The following TIAM2 variants were observed in gnomAD, a reference collection of about 807,000 sequenced individuals.
The protein encoded by TIAM2 is rho guanine nucleotide exchange factor TIAM2.
In TIAM2, 80 loss-of-function variants were observed where a neutral mutation model predicts 152.9. The observed-to-expected ratio is 0.52, with a 90% CI of 0.44 to 0.63. The LOEUF (loss-of-function observed/expected upper bound fraction) is 0.63, where lower values mean the gene tolerates loss of function less well. Among genes scored for constraint, TIAM2 ranks in the 30% least tolerant of loss-of-function variants. TIAM2 has a pLI of 0.00. For missense variants in TIAM2, 1,965 were observed against 2,120.1 expected, an observed-to-expected ratio of 0.93 and a Z score of 1.44; for synonymous variants, 804 against 838.0, an observed-to-expected ratio of 0.96 and a Z score of 0.70.
At chr6:155,119,103 C>T (rs1009446350) in intron 2 of TIAM2, among the ~76,000 whole-genome samples, 2 of 151,508 alleles carry the variant, frequency 1.3e-5, no homozygotes, top group Non-Finnish European at 2.9e-5. Flanking sequence ...GGCGCGATCT[C>T]GGCTCACTAC....
rs1554249752 is a variant in TIAM2 at position 155,257,273 on chromosome 6, G to GTTAT, written c.*155_*158dup. On this transcript the variant is annotated 3_prime_UTR_variant, in exon 27 of 27. Coordinates refer to ENST00000682666, the MANE Select transcript of TIAM2 (RefSeq NM_012454.4). Reference sequence around the variant, plus strand: ...CCACAAAATGGTTGTAAAGATTTAAGTTATTTTAATTTATTGTGGATCAGA... The same window carrying GTTAT: ...CCACAAAATGGTTGTAAAGATTTAAGTTATTTATTTTAATTTATTGTGGATCAGA... 5.7e-6 allele frequency: 5 copies of GTTAT among 879,334 alleles called. No homozygotes were observed. The highest frequency in any genetic ancestry group is 3.0e-5 in the Admixed American group (1 of 33,324). 54.5% of individuals were successfully genotyped at this position (879,334 alleles called of 1,614,324 possible).
chr6:155,124,561 C>T (rs565906289), intron 2 of TIAM2, among the ~76,000 whole-genome samples: 59 of 151,204 alleles, frequency 3.9e-4, no homozygotes, highest in Non-Finnish European at 6.8e-4. Flanking sequence ...AACTCCCGAC[C>T]TCAGGTGATC....
At chr6:155,185,429 T>C (rs968468588) in intron 14 of TIAM2, among the ~76,000 whole-genome samples, 2 of 151,854 alleles carry the variant, frequency 1.3e-5, no homozygotes, top group Non-Finnish European at 2.9e-5. Flanking sequence ...GCCCGGCTGT[T>C]TTTCTTTTCT....
chr6:155,137,971 G>A (rs951816124), intron 5 of TIAM2, among the ~76,000 whole-genome samples: 75 of 152,214 alleles, frequency 4.9e-4, no homozygotes, highest in African/African-American at 1.8e-3. Context: ...TGAGTAGCTG[G>A]AATTATGGGC....
At position 155,076,027 on chromosome 6, in the gene TIAM2, A is replaced by G. The variant is rs567023002; in HGVS notation, c.-208-14262A>G. 1.5e-3 allele frequency among the ~76,000 whole-genome samples: 227 copies of G among 152,346 alleles called. 1 individual carries two copies. Among genetic ancestry groups the G allele is most frequent in the African/African-American group, 5.1e-3 (214 of 41,584 alleles). On this transcript the variant is annotated intron_variant, in intron 1 of 26. Transcript: ENST00000682666. ...CCAACAACAGACAGGGCAGGTTTTC[A>G]GTCTCCACCTGCAATGCTGTGTTTT...
intron 1 of TIAM2, among the ~76,000 whole-genome samples, chr6:155,074,854 A>AG (rs1491130767): frequency 4.1e-5 from 4 of 98,002 alleles, no homozygotes; most frequent in African/African-American, 2.4e-4. Flanking sequence ...ACTCTGTCTC[A>AG]AAAAAAAAAA....
In TIAM2 at chr6:155,029,162, ATATACACTATATGTACTATGTGT is replaced by A. The variant is rs1386801411; in HGVS notation, c.-209+33675_-209+33697del. Among the ~76,000 whole-genome samples the A allele has an allele frequency of 4.4e-5, 5 of 113,992 alleles. No individual in the cohort carries two copies. The East Asian group carries it at 1.4e-3, about 32-fold the overall frequency. The allele number at this position is 113,992 out of a possible 152,430, so 74.8% of individuals were successfully genotyped here. On this transcript the variant is annotated intron_variant, in intron 1 of 26. Coordinates refer to ENST00000682666, the MANE Select transcript of TIAM2 (RefSeq NM_012454.4). The stretch of plus-strand genomic sequence containing the variant: ...ATATACACTATATGTACTATGTGTT[ATATACACTATATGTACTATGTGT>A]TATATACACTGTATGTACTATGTGT...
chr6:155,028,079 CTG>C (rs1235267457), intron 1 of TIAM2, among the ~76,000 whole-genome samples: 335 of 110,782 alleles, frequency 3.0e-3, no homozygotes, highest in African/African-American at 9.1e-3. Flanking sequence ...AATATATGTA[CTG>C]TGTTACATAT....
At chr6:155,220,671 G>GA (rs1277458939) in intron 15 of TIAM2, among the ~76,000 whole-genome samples, 1 of 152,016 alleles carries the variant, frequency 6.6e-6, no homozygotes, top group South Asian at 2.1e-4. Flanking sequence ...AGAGTTTAAT[G>GA]AAAAAATAGG....
At chr6:155,064,354 C>A (rs1334791454) in intron 1 of TIAM2, among the ~76,000 whole-genome samples, 1 of 152,222 alleles carries the variant, frequency 6.6e-6, no homozygotes, top group African/African-American at 2.4e-5. Context: ...TGAAAAATGA[C>A]ATCACTCAAA....
Position 155,240,675 on chromosome 6 carries a change from A to G in TIAM2, c.3314A>G (p.Gln1105Arg), listed in dbSNP as rs1343134677. 1.9e-6 allele frequency: 3 copies of G among 1,613,566 alleles called. No individual in the cohort carries two copies. Among genetic ancestry groups the G allele is most frequent in the Admixed American group, 1.7e-5 (1 of 60,030 alleles). Residue 1105 changes from glutamine to arginine, a missense_variant, in exon 16 of 27, where the codon CAG becomes CGG. By Grantham distance (43) the Gln-to-Arg change is conservative (BLOSUM62 1). This residue lies in a region of TIAM2 where 935 missense variants were observed against 980.0 expected (regional missense o/e 0.95). Coordinates refer to ENST00000682666, the MANE Select transcript of TIAM2 (RefSeq NM_012454.4). Reference sequence around the variant, plus strand: ...GCAGACCGCCTCCGCAAAGTCATCCAGGAGCTTGTGGACACAGAGAAGTCC... The same window carrying G: ...GCAGACCGCCTCCGCAAAGTCATCCGGGAGCTTGTGGACACAGAGAAGTCC... ...SDADRLRKVI[Q>R]ELVDTEKSYV...
chr6:155,213,830 C>T lies in TIAM2; in HGVS notation c.3168+2523C>T, dbSNP rs1474586062. On this transcript the variant is annotated intron_variant, in intron 15 of 26. Coordinates refer to ENST00000682666, the MANE Select transcript of TIAM2 (RefSeq NM_012454.4). This position sits in a 1 kb window ranked among gnomAD's most constrained non-coding sequence, Gnocchi z 4.2. Reference sequence around the variant, plus strand: ...GCTGGCATGTCAGCGCTGCCCTGAACGTGTCCACACATGGCTGGGTTGCAG... The same window carrying T: ...GCTGGCATGTCAGCGCTGCCCTGAATGTGTCCACACATGGCTGGGTTGCAG... Among the ~76,000 whole-genome samples the T allele has an allele frequency of 1.3e-5, 2 of 152,234 alleles. No individual in the cohort carries two copies. Among genetic ancestry groups the T allele is most frequent in the Non-Finnish European group, 2.9e-5 (2 of 68,036 alleles).
At chr6:155,021,186 A>C (rs377188758) in intron 1 of TIAM2, among the ~76,000 whole-genome samples, 3 of 152,188 alleles carry the variant, frequency 2.0e-5, no homozygotes, top group Non-Finnish European at 4.4e-5. Context: ...GTAGCTATGA[A>C]CATGGCTGTA....
At chr6:155,055,941 G>A (rs900628782) in intron 1 of TIAM2, among the ~76,000 whole-genome samples, 5 of 146,952 alleles carry the variant, frequency 3.4e-5, no homozygotes, top group African/African-American at 1.4e-4. Context: ...CAGCCTGGGT[G>A]ACAGAAAGAG....
chr6:155,195,364 C>T (rs1562349863), intron 14 of TIAM2, among the ~76,000 whole-genome samples: 1 of 152,178 alleles, frequency 6.6e-6, no homozygotes, highest in African/African-American at 2.4e-5. Flanking sequence ...AGGTACCCAT[C>T]GCCTGTGAAG....
At chr6:155,053,435 G>A (rs77570494) in intron 1 of TIAM2, among the ~76,000 whole-genome samples, 17 of 149,456 alleles carry the variant, frequency 1.1e-4, no homozygotes, top group Admixed American at 2.0e-4. Flanking sequence ...GATTATAGGC[G>A]TGAGCCACCG....
At chr6:155,083,066 G>A (rs1376865594) in intron 1 of TIAM2, among the ~76,000 whole-genome samples, 1 of 152,094 alleles carries the variant, frequency 6.6e-6, no homozygotes, top group Non-Finnish European at 1.5e-5. Flanking sequence ...GTAGAGGTGG[G>A]GCCGGGCACA....
Position 155,248,034 on chromosome 6 carries a change from C to T in TIAM2, c.3687C>T (p.Asp1229=), listed in dbSNP as rs41284218. The T allele has an allele frequency of 0.074, 119,099 of 1,614,094 alleles. 5,064 individuals carry two copies. The highest frequency in any genetic ancestry group is 0.16 in the African/African-American group (11,657 of 75,014). Residue 1229 remains aspartate (D), a synonymous_variant, in exon 20 of 27, where the codon GAC becomes GAT. Transcript: ENST00000682666. ...ACAAAGCCTTCAAGGCTTTTCTGGACGCCCGGAACCCCACCAAGCAGCATT... is the reference window on the plus strand; with the variant it reads ...ACAAAGCCTTCAAGGCTTTTCTGGATGCCCGGAACCCCACCAAGCAGCATT... ...KTDKAFKAFL[D]ARNPTKQHSS...
At chr6:155,086,849 C>T (rs4869843) in intron 1 of TIAM2, among the ~76,000 whole-genome samples, 4,140 of 152,144 alleles carry the variant, frequency 0.027, 181 homozygotes, top group Admixed American at 0.13. Context: ...AGCAATTTGA[C>T]GAATCAGTTA....
Sources: allele counts gnomAD v4.1 joint callset (sites outside exome capture counted in the v4.1 genomes callset), GRCh38; gene constraint gnomAD v4.1.1; regional missense constraint gnomAD v4.1.1; non-coding constraint Gnocchi (gnomAD v3.1); transcripts MANE v1.5; gene names NCBI Gene and HGNC (gene_info 2026-07-23, HGNC 2026-07-21).